GLI3: variants seen among roughly 807,000 people sequenced by gnomAD.
The protein encoded by GLI3 is GLI family zinc finger 3, also known as transcription activator GLI3.
GLI3 carries 20 observed loss-of-function variants against 100.8 expected under a neutral mutation model. That is an observed-to-expected ratio of 0.20 (90% CI 0.14 to 0.29). GLI3 has a LOEUF of 0.29. Ranked by LOEUF, GLI3 falls within the 10% of genes least tolerant of loss-of-function variation. The probability of loss-of-function intolerance (pLI) is 1.00; values close to 1 mark genes in which losing one functional copy is unlikely to be tolerated. For missense variants in GLI3, 2,040 were observed against 2,128.5 expected, an observed-to-expected ratio of 0.96 and a Z score of 0.82; for synonymous variants, 938 against 860.5, an observed-to-expected ratio of 1.09 and a Z score of -1.58.
In GLI3 at chr7:42,036,754, T is replaced by C. The variant is rs554461487; in HGVS notation, c.1028+3284A>G. ...AAAGTCAAGTGTGTTTAGAGTAAAT[T>C]AACAAGCAGGAAACTGGAGTGCTAG... On this transcript the variant is annotated intron_variant, in intron 7 of 14. Coordinates refer to ENST00000395925, the MANE Select transcript of GLI3 (RefSeq NM_000168.6). 9.9e-5 allele frequency among the ~76,000 whole-genome samples: 15 copies of C among 152,258 alleles called. No individual in the cohort carries two copies. The South Asian group carries it at 3.1e-3, about 32-fold the overall frequency.
At chr7:42,004,290 G>A (rs1788389074) in intron 10 of GLI3, among the ~76,000 whole-genome samples, 1 of 152,038 alleles carries the variant, frequency 6.6e-6, no homozygotes, top group African/African-American at 2.4e-5. Flanking sequence ...AGACATAAAT[G>A]AAATATGTAT....
At chr7:42,228,327 C>A (rs1279077539) in intron 1 of GLI3, among the ~76,000 whole-genome samples, 1 of 152,064 alleles carries the variant, frequency 6.6e-6, no homozygotes, top group Admixed American at 6.5e-5. Context: ...CTGAAGCTGG[C>A]TTTGGGAGAC....
chr7:42,143,600 A>C (rs1786627324), intron 3 of GLI3, among the ~76,000 whole-genome samples: 1 of 152,246 alleles, frequency 6.6e-6, no homozygotes, highest in Non-Finnish European at 1.5e-5. Context: ...AGCACACAAG[A>C]ATGCAAGTGG....
At chr7:42,248,178 C>A (rs539522117) in intron 1 of GLI3, among the ~76,000 whole-genome samples, 8 of 152,144 alleles carry the variant, frequency 5.3e-5, no homozygotes, top group Non-Finnish European at 1.0e-4. Context: ...TGGTGATAAA[C>A]CAGAGAACTA....
chr7:42,166,195 T>G (rs1787237948), intron 2 of GLI3, among the ~76,000 whole-genome samples: 1 of 152,234 alleles, frequency 6.6e-6, no homozygotes, highest in African/African-American at 2.4e-5. Context: ...ACCAGAGCAT[T>G]TCTTACCTTG....
chr7:42,107,716 G>GTGGA (rs759098419), intron 3 of GLI3, among the ~76,000 whole-genome samples: 7 of 152,136 alleles, frequency 4.6e-5, no homozygotes, highest in African/African-American at 7.2e-5. Flanking sequence ...AGGCCAGAGG[G>GTGGA]TGGAGAAAGG....
In GLI3 at chr7:41,966,699, AC is replaced by A. The variant is rs1440302315; in HGVS notation, c.2432-59del. On this transcript the variant is annotated intron_variant, in intron 14 of 14. Transcript: ENST00000395925. The surrounding 1 kb of genome is among the most constrained non-coding windows in gnomAD (Gnocchi z 5.8). ...GATGAATTCCCTTCGAGCATGACTT[AC>A]ACCAGGCATGAGCAACCCTTTTCTG... 4.4e-6 allele frequency: 7 copies of A among 1,575,764 alleles called. No individual in the cohort carries two copies. In the Admixed American group the frequency reaches 5.0e-5, roughly 11 times the overall value.
rs1788023637 is a variant in GLI3, at chr7:42,200,820, C to G, written c.124+22310G>C. Reference sequence around the variant, plus strand: ...AAACTTTTCAGAAAAAAAAAATAGGCATTTATATGTGGATTGGTTAAACCT... The same window carrying G: ...AAACTTTTCAGAAAAAAAAAATAGGGATTTATATGTGGATTGGTTAAACCT... On this transcript the variant is annotated intron_variant, in intron 2 of 14. Transcript: ENST00000395925. Among the ~76,000 whole-genome samples, 3 of 151,666 alleles carry G rather than the reference C, an allele frequency of 2.0e-5. No individual in the cohort carries two copies. The South Asian group carries it at 6.2e-4, about 32-fold the overall frequency.
chr7:42,099,330 A>G (rs1263790285), intron 3 of GLI3, among the ~76,000 whole-genome samples: 1 of 152,200 alleles, frequency 6.6e-6, no homozygotes, highest in Non-Finnish European at 1.5e-5. Context: ...CATCTCCCAT[A>G]CACATTGTTT....
At chr7:42,236,777 CAGG>C (rs1483828871) in intron 1 of GLI3, among the ~76,000 whole-genome samples, 191 bp downstream of exon 1, 1 of 152,234 alleles carries the variant, frequency 6.6e-6, no homozygotes, top group Non-Finnish European at 1.5e-5. Flanking sequence ...AAGGACCTTC[CAGG>C]AGGAGGGAGC....
intron 10 of GLI3, among the ~76,000 whole-genome samples, chr7:42,009,022 T>G (rs972200696): frequency 1.3e-5 from 2 of 152,244 alleles, no homozygotes; most frequent in African/African-American, 4.8e-5. Context: ...CAAATTGTTA[T>G]GCAGACCAGG....
At chr7:42,262,769 A>G (rs1177189262) in intron 1 of GLI3, among the ~76,000 whole-genome samples, 1 of 152,212 alleles carries the variant, frequency 6.6e-6, no homozygotes, top group East Asian at 1.9e-4. Context: ...CATTCCTAAG[A>G]ATTTTGAAGA....
chr7:42,187,293 C>A (rs1032369128), intron 2 of GLI3, among the ~76,000 whole-genome samples: 4 of 151,556 alleles, frequency 2.6e-5, no homozygotes, highest in African/African-American at 7.3e-5. Flanking sequence ...AAGTAAACCC[C>A]AAATACATTT....
intron 5 of GLI3, among the ~76,000 whole-genome samples, chr7:42,047,272 G>A (rs1028027793): frequency 1.3e-5 from 2 of 152,228 alleles, no homozygotes; most frequent in Non-Finnish European, 2.9e-5. Flanking sequence ...AAAAGTGGCT[G>A]TTACTGAAGG....
intron 3 of GLI3, among the ~76,000 whole-genome samples, chr7:42,144,310 C>G (rs74484679): frequency 6.6e-6 from 1 of 152,116 alleles, no homozygotes; most frequent in Non-Finnish European, 1.5e-5. Flanking sequence ...AATCTAACCC[C>G]TACCACGCTC....
At chr7:41,985,913 A>G (rs1191301674) in intron 10 of GLI3, among the ~76,000 whole-genome samples, 6 of 152,204 alleles carry the variant, frequency 3.9e-5, no homozygotes, top group Admixed American at 6.5e-5. Context: ...TTTTGGTGGC[A>G]CCCATCAATC....
intron 3 of GLI3, among the ~76,000 whole-genome samples, chr7:42,091,390 A>G (rs1361618732): frequency 6.6e-6 from 1 of 152,182 alleles, no homozygotes; most frequent in Non-Finnish European, 1.5e-5. Flanking sequence ...CCCTTGCCCC[A>G]GTCGCTCAGA....
intron 2 of GLI3, among the ~76,000 whole-genome samples, chr7:42,173,108 C>T (rs541328635): frequency 6.6e-6 from 1 of 152,304 alleles, no homozygotes; most frequent in Non-Finnish European, 1.5e-5. Flanking sequence ...ATGTTGCATT[C>T]TCCCACAGGT....
At chr7:42,127,991 C>T (rs1786175843) in intron 3 of GLI3, among the ~76,000 whole-genome samples, 1 of 148,328 alleles carries the variant, frequency 6.7e-6, no homozygotes, top group Non-Finnish European at 1.5e-5. Flanking sequence ...CACACTCCAG[C>T]CTGGGCGACA....
Sources: allele counts gnomAD v4.1 joint callset (sites outside exome capture counted in the v4.1 genomes callset), GRCh38; gene constraint gnomAD v4.1.1; non-coding constraint Gnocchi (gnomAD v3.1); transcripts MANE v1.5; gene names NCBI Gene and HGNC (gene_info 2026-07-23, HGNC 2026-07-21).